MXRA5: variants seen among roughly 807,000 people sequenced by gnomAD.
The protein encoded by MXRA5 is matrix-remodeling-associated protein 5.
MXRA5 carries 41 observed loss-of-function variants against 112.5 expected under a neutral mutation model. That is an observed-to-expected ratio of 0.36 (90% CI 0.28 to 0.47). The LOEUF is 0.47. MXRA5 is among the 20% of genes least tolerant of loss of function. MXRA5 has a pLI of 0.99. For missense variants in MXRA5, 2,150 were observed against 2,251.0 expected (o/e 0.96, Z 0.91); for synonymous variants, 862 against 900.8 (o/e 0.96, Z 0.77).
chrX:3,319,655 A>T (rs1921242134), intron 5 of MXRA5, among the ~76,000 whole-genome samples: 1 of 111,682 alleles, frequency 9.0e-6, no homozygotes, highest in African/African-American at 3.3e-5. Flanking sequence ...ACAAATAGAC[A>T]CTTGGGACTA....
intron 1 of MXRA5, among the ~76,000 whole-genome samples, chrX:3,344,713 G>A (rs1000218906): frequency 8.1e-5 from 9 of 111,519 alleles, no homozygotes; most frequent in Admixed American, 2.9e-4. Flanking sequence ...CTTGAATGGC[G>A]TTCACTTAAA....
Position 3,323,500 on chromosome X carries a change from C to A in MXRA5, c.2185G>T (p.Asp729Tyr), listed in dbSNP as rs1356746377. 8.3e-7 allele frequency: 1 copy of A among 1,211,800 alleles called. No individual in the cohort carries two copies. ...DQEVFLKTKD[D>Y]AINGDKKAKK... ...GCTTTCTTGTCTCCATTGATGGCAT[C>A]ATCCTTTGTTTTGAGGAACACCTCT... The change falls in exon 5 of 7, where the codon GAT (aspartate) becomes TAT (tyrosine). Residue 729 changes from aspartate (D) to tyrosine (Y), a missense_variant. Physicochemically the swap from Asp to Tyr is radical, Grantham distance 160. Coordinates refer to ENST00000217939, the MANE Select transcript of MXRA5 (RefSeq NM_015419.4).
At chrX:3,325,109 A>G (rs1459903330) in intron 4 of MXRA5, 134 bp from the exon 5 acceptor site, 13 of 774,937 alleles carry the variant, frequency 1.7e-5, no homozygotes, top group Non-Finnish European at 2.0e-5. Flanking sequence ...AATCCTATAC[A>G]TGAGTTGCCT....
At chrX:3,345,436 T>C (rs1462934161) in intron 1 of MXRA5, among the ~76,000 whole-genome samples, 2 of 112,990 alleles carry the variant, frequency 1.8e-5, no homozygotes, top group African/African-American at 3.2e-5. Context: ...ACCTCGGCGC[T>C]GGGCTGGTTC....
intron 2 of MXRA5, among the ~76,000 whole-genome samples, chrX:3,341,344 A>G (rs1341332375): frequency 3.5e-4 from 15 of 42,307 alleles, no homozygotes; most frequent in African/African-American, 1.2e-3. Flanking sequence ...TATATATATT[A>G]TTACTATATA....
intron 2 of MXRA5, among the ~76,000 whole-genome samples, chrX:3,331,531 A>G (rs915754572): frequency 1.8e-5 from 2 of 111,837 alleles, no homozygotes; most frequent in African/African-American, 6.5e-5. Context: ...TGCTTTGCAT[A>G]TGGTAAGAAA....
Position 3,320,996 on chromosome X carries a change from G to A in MXRA5, c.4689C>T (p.Ser1563=), listed in dbSNP as rs1921285559. ...SGPNELSTPS[S]DQDAFNLSTK... is the part of the protein sequence containing the mutation. ...TAGACAAGTTAAATGCATCCTGGTC[G>A]GAAGAGGGTGTTGATAATTCATTTG... is the stretch of plus-strand genomic sequence containing the variant. The change falls in exon 5 of 7, where the codon TCC becomes TCT. Residue 1563 remains serine, a synonymous_variant. Transcript: ENST00000217939. 5.8e-6 allele frequency: 7 copies of A among 1,211,816 alleles called. No individual in the cohort carries two copies. Among genetic ancestry groups the A allele is most frequent in the East Asian group, 5.9e-5 (2 of 33,854 alleles).
In MXRA5 at chrX:3,310,360, G is replaced by T. The variant is rs41308359; in HGVS notation, c.7843C>A (p.Arg2615Ser). Residue 2615 changes from arginine (R) to serine (S), a missense_variant, in exon 7 of 7, where the codon CGC becomes AGC. Around this residue, in one of 6 missense-constraint regions of MXRA5, gnomAD observed 178 missense variants for 198.2 expected, o/e 0.90. Coordinates refer to ENST00000217939, the MANE Select transcript of MXRA5 (RefSeq NM_015419.4). ...CCAGCGGCATTGCGGGCCACGCAGC[G>T]GTAGGCCCCGGCGTCCACCGAGGAG... ...GLSSVDAGAY[R>S]CVARNAAGHT... 7 of 1,204,572 alleles carry T rather than the reference G, an allele frequency of 5.8e-6. No individual in the cohort carries two copies. Among genetic ancestry groups the T allele is most frequent in the Non-Finnish European group, 7.9e-6 (7 of 891,061 alleles).
At chrX:3,341,595 T>C (rs1921982585) in intron 2 of MXRA5, among the ~76,000 whole-genome samples, 2 of 35,508 alleles carry the variant, frequency 5.6e-5, no homozygotes, top group Admixed American at 5.2e-4. Flanking sequence ...ATATATATTA[T>C]TATTATATAT....
chrX:3,343,083 T>C (rs1322335390), intron 2 of MXRA5, among the ~76,000 whole-genome samples: 3 of 112,467 alleles, frequency 2.7e-5, no homozygotes, highest in Non-Finnish European at 5.6e-5. Context: ...CCCTCGTGTG[T>C]ATAAAATGAA....
intron 2 of MXRA5, among the ~76,000 whole-genome samples, chrX:3,332,562 T>C (rs1921692408): frequency 8.9e-6 from 1 of 112,497 alleles, no homozygotes; most frequent in African/African-American, 3.2e-5. Flanking sequence ...CTTTTTAAGA[T>C]AAATTTATGC....
At position 3,311,462 on chromosome X, in the gene MXRA5, G is replaced by A. The variant is rs150548574; in HGVS notation, c.6741C>T (p.His2247=). 2 of 1,209,908 alleles carry A rather than the reference G, an allele frequency of 1.7e-6. No homozygotes were observed. Among genetic ancestry groups the A allele is most frequent in the Non-Finnish European group, 2.2e-6 (2 of 895,279 alleles). ...DVVMKPAKIE[H]KEENDHKVFY... is the part of the protein sequence containing the mutation. The stretch of plus-strand genomic sequence containing the variant: ...AGACTTTGTGGTCGTTCTCCTCCTT[G>A]TGTTCAATCTTGGCCGGTTTCATCA... Residue 2247 remains histidine, a synonymous_variant, in exon 7 of 7, where the codon CAC becomes CAT. Transcript: ENST00000217939.
At chrX:3,341,039 TATTGTG>T (rs1921910823) in intron 2 of MXRA5, among the ~76,000 whole-genome samples, 1 of 42,538 alleles carries the variant, frequency 2.4e-5, no homozygotes, top group Non-Finnish European at 5.1e-5. Context: ...GTATAATATA[TATTGTG>T]TATAATATAT....
intron 4 of MXRA5, among the ~76,000 whole-genome samples, chrX:3,328,364 G>A (rs1270114325): frequency 4.5e-5 from 5 of 112,254 alleles, no homozygotes; most frequent in Non-Finnish European, 7.5e-5. Flanking sequence ...AGAAATAAAC[G>A]AATAAGAAGA....
intron 4 of MXRA5, among the ~76,000 whole-genome samples, chrX:3,329,165 G>C (rs1419267965): frequency 2.2e-5 from 2 of 91,366 alleles, no homozygotes; most frequent in Non-Finnish European, 4.4e-5. Context: ...AAGGAAGGAA[G>C]GAAGGAAGGA....
chrX:3,345,653 G>A (rs1922090377), intron 1 of MXRA5, among the ~76,000 whole-genome samples: 1 of 113,062 alleles, frequency 8.8e-6, no homozygotes, highest in Admixed American at 9.2e-5. Context: ...GCGGCCTGGC[G>A]CCAGCTAGGC....
Position 3,324,853 on chromosome X carries a change from G to T in MXRA5, c.832C>A (p.Pro278Thr). The change falls in exon 5 of 7, where the codon CCT becomes ACT. Residue 278 changes from proline to threonine, a missense_variant. By Grantham distance (38) the Pro-to-Thr change is conservative (BLOSUM62 -1). Transcript: ENST00000217939. ...TGTCTCAGAGGGGACTCTATTGAAG[G>T]CTTCAGACAAGTCATGTCCTTCAGC... ...HKLKDMTCLK[P>T]SIESPLRQNR... 1 of 1,211,597 alleles carries T rather than the reference G, an allele frequency of 8.3e-7. No homozygotes were observed.
In MXRA5 at chrX:3,320,000, C is replaced by A; in HGVS notation, c.5677+8G>T. 3.5e-6 allele frequency: 4 copies of A among 1,135,905 alleles called. No individual in the cohort carries two copies. Among genetic ancestry groups the A allele is most frequent in the East Asian group, 3.0e-5 (1 of 32,839 alleles). The allele number at this position is 1,135,905 out of a possible 1,213,427, so 93.6% of individuals were successfully genotyped here. A position where few individuals can be genotyped will look rare whatever the true frequency, so the allele number is the denominator to read the frequency against. On this transcript the variant is annotated splice_region_variant and intron_variant, in intron 5 of 6. Coordinates refer to ENST00000217939, the MANE Select transcript of MXRA5 (RefSeq NM_015419.4). Reference sequence around the variant, plus strand: ...AAAAAAAAAAAAGTAGATGCTTAAACATCTTACCTGTGGAAACCTTTGTCC... The same window carrying A: ...AAAAAAAAAAAAGTAGATGCTTAAAAATCTTACCTGTGGAAACCTTTGTCC...
rs1194238028 is a variant in MXRA5, at chrX:3,317,390, C to G, written c.6291G>C (p.Gly2097=). 3.3e-6 allele frequency: 4 copies of G among 1,208,458 alleles called. No homozygotes were observed. The highest frequency in any genetic ancestry group is 3.4e-6 in the Non-Finnish European group (3 of 894,251). Residue 2097 remains glycine, a synonymous_variant, in exon 6 of 7, where the codon GGG becomes GGC. Coordinates refer to ENST00000217939, the MANE Select transcript of MXRA5 (RefSeq NM_015419.4). ...TCCCGTTGGGGAAAACAAACAAGTT[C>G]CCGTGGAGGAACTGCGAGGGGCGGA... The part of the protein sequence containing the change: ...TQIRPSQFLH[G]NLFVFPNGTL...
Sources: gnomAD v4.1 joint callset for allele counts (sites outside exome capture counted in the v4.1 genomes callset) on GRCh38, gnomAD v4.1.1 for gene constraint, gnomAD v4.1.1 regional missense constraint, MANE v1.5 for transcripts, NCBI Gene and HGNC (gene_info 2026-07-23, HGNC 2026-07-21) for gene names.